ZNF341: variants seen among roughly 807,000 people sequenced by gnomAD.
ZNF341 encodes zinc finger protein 341.
In ZNF341, 52 loss-of-function variants were observed where a neutral mutation model predicts 87.7. The observed-to-expected ratio is 0.59, with a 90% confidence interval of 0.47 to 0.75. The LOEUF (loss-of-function observed/expected upper bound fraction) is 0.75, where lower values mean the gene tolerates loss of function less well. Among genes scored for constraint, ZNF341 ranks in the 30% least tolerant of loss-of-function variants. The pLI, the probability that ZNF341 is intolerant of heterozygous loss-of-function variation, is 0.00. For synonymous variants in ZNF341, 459 were observed against 472.7 expected, an observed-to-expected ratio of 0.97 and a Z score of 0.38; for missense variants, 977 against 1,145.9, an observed-to-expected ratio of 0.85 and a Z score of 2.13.
intron 10 of ZNF341, among the ~76,000 whole-genome samples, chr20:33,775,334 C>A (rs2019607001): frequency 6.6e-6 from 1 of 151,008 alleles, no homozygotes; most frequent in Non-Finnish European, 1.5e-5. Context: ...CTCAGCCTTT[C>A]TAGTAGCTGC....
chr20:33,753,097 C>G, intron 4 of ZNF341, 75 bp from the exon 5 acceptor site: 2 of 1,599,404 alleles, frequency 1.3e-6, no homozygotes, highest in Non-Finnish European at 1.7e-6. Flanking sequence ...CTGGCTAAAG[C>G]AAATGTCCTT....
In ZNF341 at chr20:33,732,178, C is replaced by A; in HGVS notation, c.31+126C>A. ...CGGAGGGCGCCGGGGCTGGAACAGC[C>A]GCGGGGCGGGAGGGGCGCGGGCGGG... On this transcript the variant is annotated intron_variant, in intron 1 of 14. Coordinates refer to ENST00000375200, the MANE Select transcript of ZNF341 (RefSeq NM_001282933.2). The surrounding 1 kb of genome is among the most constrained non-coding windows in gnomAD (Gnocchi z 4.5). 1.3e-6 allele frequency: 1 copy of A among 748,502 alleles called. No homozygotes were observed. Among genetic ancestry groups the A allele is most frequent in the Non-Finnish European group, 1.6e-6 (1 of 614,586 alleles). The allele number at this position is 748,502 out of a possible 1,614,324, so 46.4% of individuals were successfully genotyped here.
rs558462076 is a variant in ZNF341, at chr20:33,775,995, T to C, written c.1623-5296T>C. Among the ~76,000 whole-genome samples the C allele has an allele frequency of 3.3e-5, 5 of 152,216 alleles. No individual in the cohort carries two copies. The East Asian group carries it at 9.6e-4, about 29-fold the overall frequency. ...GATTACAGGCATAAGCCACCATGCC[T>C]GGCCTTCAATATATGTGTTTTAAAG... On this transcript the variant is annotated intron_variant, in intron 10 of 14. Coordinates refer to ENST00000375200, the MANE Select transcript of ZNF341 (RefSeq NM_001282933.2).
intron 4 of ZNF341, chr20:33,752,382 T>C: frequency 3.2e-6 from 2 of 630,362 alleles, no homozygotes; most frequent in Non-Finnish European, 6.1e-6. Context: ...CCCATCTCCT[T>C]CATGGCAAGT....
chr20:33,780,527 T>C (rs2019720667), intron 10 of ZNF341, among the ~76,000 whole-genome samples: 1 of 151,688 alleles, frequency 6.6e-6, no homozygotes, highest in African/African-American at 2.4e-5. Flanking sequence ...CCTGACTCAG[T>C]CTCCTGAGTA....
chr20:33,732,110 C>A lies in ZNF341; in HGVS notation c.31+58C>A. On this transcript the variant is annotated intron_variant, in intron 1 of 14. Coordinates refer to ENST00000375200, the MANE Select transcript of ZNF341 (RefSeq NM_001282933.2). The surrounding 1 kb of genome is among the most constrained non-coding windows in gnomAD (Gnocchi z 4.5). ...TTCCGCGCTGCGCCCCCTCCCGCCG[C>A]GCCCTCGCAGCGCCCGGCCTAGGGC... 1.7e-6 allele frequency: 2 copies of A among 1,149,368 alleles called. No homozygotes were observed. The highest frequency in any genetic ancestry group is 2.1e-6 in the Non-Finnish European group (2 of 933,470). 71.2% of individuals were successfully genotyped at this position (1,149,368 alleles called of 1,614,324 possible). A position where few individuals can be genotyped will look rare whatever the true frequency, so the allele number is the denominator to read the frequency against.
chr20:33,770,364 G>C (rs1454108028), intron 10 of ZNF341, 72 bp downstream of exon 10: 1 of 1,475,402 alleles, frequency 6.8e-7, no homozygotes, highest in African/African-American at 1.4e-5. Context: ...CTGTGGCCTT[G>C]GTGGTTCTGA....
At chr20:33,733,395 A>AT (rs535729486) in intron 1 of ZNF341, among the ~76,000 whole-genome samples, 7,396 of 140,848 alleles carry the variant, frequency 0.053, 589 homozygotes, top group African/African-American at 0.17. Flanking sequence ...CGCCCGGCTA[A>AT]TTTTTTTTTT....
At chr20:33,749,263 C>T (rs1395492053) in intron 4 of ZNF341, among the ~76,000 whole-genome samples, 191 bp downstream of exon 4, 4 of 152,194 alleles carry the variant, frequency 2.6e-5, no homozygotes. Flanking sequence ...GGACCCAGAA[C>T]ATGTGGGGCT....
chr20:33,788,665 G>C, intron 12 of ZNF341, 198 bp from the exon 13 acceptor site: 1 of 626,382 alleles, frequency 1.6e-6, no homozygotes, highest in Non-Finnish European at 2.9e-6. Context: ...CATCAGAGAG[G>C]CCTCTCCTGA....
chr20:33,781,191 G>C (rs1332072232), intron 10 of ZNF341, 100 bp from the exon 11 acceptor site: 1 of 816,580 alleles, frequency 1.2e-6, no homozygotes, highest in Non-Finnish European at 2.1e-6. Context: ...TGAATTAACT[G>C]TAGGATGTTG....
intron 11 of ZNF341, among the ~76,000 whole-genome samples, chr20:33,781,835 A>T (rs754387508): frequency 3.3e-5 from 5 of 151,802 alleles, no homozygotes; most frequent in Admixed American, 6.6e-5. Context: ...ATGTGCCACC[A>T]TGCCCAGCTA....
At chr20:33,759,745 C>G (rs954489789) in intron 7 of ZNF341, among the ~76,000 whole-genome samples, 5 of 151,884 alleles carry the variant, frequency 3.3e-5, no homozygotes, top group Non-Finnish European at 7.4e-5. Context: ...ATGCTCGTCT[C>G]TTATAACAAA....
intron 1 of ZNF341, among the ~76,000 whole-genome samples, chr20:33,734,486 G>A (rs995451606): frequency 6.6e-6 from 1 of 152,140 alleles, no homozygotes; most frequent in African/African-American, 2.4e-5. Flanking sequence ...GGGATGGAAA[G>A]ACAGTTTATT....
intron 2 of ZNF341, among the ~76,000 whole-genome samples, chr20:33,741,409 T>C (rs1192236436): frequency 2.6e-5 from 4 of 151,076 alleles, no homozygotes; most frequent in Non-Finnish European, 4.4e-5. Context: ...TTTTTTTTTC[T>C]TTTTTTTCTT....
At chr20:33,772,124 C>T (rs1298241116) in intron 10 of ZNF341, among the ~76,000 whole-genome samples, 2 of 148,750 alleles carry the variant, frequency 1.3e-5, no homozygotes, top group Non-Finnish European at 3.0e-5. Context: ...TCTGTTTTGC[C>T]AGGTCTTCCT....
At chr20:33,761,756 T>G in intron 7 of ZNF341, 106 bp from the exon 8 acceptor site, 1 of 982,320 alleles carries the variant, frequency 1.0e-6, no homozygotes, top group Non-Finnish European at 1.4e-6. Context: ...ATGTGGCAAG[T>G]GGCATCTGGA....
In ZNF341 at chr20:33,791,187, G is replaced by A; in HGVS notation, c.2235G>A (p.Arg745=). The change falls in exon 15 of 15, where the codon CGG becomes CGA. Residue 745 remains arginine, a synonymous_variant. Transcript: ENST00000375200. ...AGGACAAGGACCTGCAAACCCGGCG[G>A]CCCCCCCAGAGGAGGGCAGCCCCCC... ...PQKDKDLQTR[R]PPQRRAAPRS... The A allele has an allele frequency of 6.2e-7, 1 of 1,612,954 alleles. No individual in the cohort carries two copies. The highest frequency in any genetic ancestry group is 2.2e-5 in the East Asian group (1 of 44,876).
At chr20:33,767,212 C>T (rs149704528) in intron 9 of ZNF341, among the ~76,000 whole-genome samples, 171 bp downstream of exon 9, 3 of 152,070 alleles carry the variant, frequency 2.0e-5, no homozygotes, top group Non-Finnish European at 4.4e-5. Context: ...GTAAGGTTAC[C>T]CTTGGGGCAA....
Sources: gnomAD v4.1 joint callset for allele counts (sites outside exome capture counted in the v4.1 genomes callset) on GRCh38, gnomAD v4.1.1 for gene constraint, Gnocchi (gnomAD v3.1) non-coding constraint, MANE v1.5 for transcripts, NCBI Gene and HGNC (gene_info 2026-07-23, HGNC 2026-07-21) for gene names.